The following KCNMA1 variants were observed in gnomAD, a reference collection of about 807,000 sequenced individuals.
KCNMA1 encodes the protein Calcium-activated potassium channel subunit alpha-1.
In KCNMA1, 29 loss-of-function variants were observed where a neutral mutation model predicts 140.0. That is an observed-to-expected ratio of 0.21 (90% CI 0.15 to 0.28). KCNMA1 has a LOEUF of 0.28. KCNMA1 is among the 10% of genes least tolerant of loss of function. KCNMA1 has a pLI of 1.00. For synonymous variants in KCNMA1, 612 were observed against 611.9 expected (o/e 1.00, Z 0.00); for missense variants, 880 against 1,602.2 (o/e 0.55, Z 7.70).
intron 5 of KCNMA1, among the ~76,000 whole-genome samples, chr10:77,140,925 A>G (rs1410663002): frequency 1.3e-5 from 2 of 152,208 alleles, no homozygotes; most frequent in Non-Finnish European, 2.9e-5. Flanking sequence ...GGTATAGAAT[A>G]GAGTGTGAGA....
At chr10:77,317,125 C>G (rs2081092275) in intron 2 of KCNMA1, among the ~76,000 whole-genome samples, 1 of 152,166 alleles carries the variant, frequency 6.6e-6, no homozygotes, top group South Asian at 2.1e-4. Flanking sequence ...CCCCCTACCA[C>G]TTAGACTGCC....
chr10:77,304,571 C>T (rs1214202456), intron 2 of KCNMA1: 2 of 152,204 alleles, frequency 1.3e-5, no homozygotes, highest in South Asian at 2.1e-4. Flanking sequence ...AGGAGCAACA[C>T]GTGCCATAAT....
At chr10:77,565,373 A>AATTGCTATCCAC (rs1419451585) in intron 1 of KCNMA1, among the ~76,000 whole-genome samples, 1 of 152,022 alleles carries the variant, frequency 6.6e-6, no homozygotes, top group Non-Finnish European at 1.5e-5. Context: ...CATTTTCCCA[A>AATTGCTATCCAC]ATTGCTATCT....
At chr10:77,195,979 C>T (rs79894106) in intron 3 of KCNMA1, among the ~76,000 whole-genome samples, 1,560 of 152,080 alleles carry the variant, frequency 0.01, 34 homozygotes, top group African/African-American at 0.035. Flanking sequence ...ATAGCTATTT[C>T]CACCATATCA....
At chr10:77,231,472 C>T (rs1205979251) in intron 3 of KCNMA1, among the ~76,000 whole-genome samples, 1 of 152,208 alleles carries the variant, frequency 6.6e-6, no homozygotes, top group Non-Finnish European at 1.5e-5. Context: ...ACTTTGCAAA[C>T]CAACTCTCCG....
chr10:77,043,752 C>T (rs2094873497), intron 14 of KCNMA1, among the ~76,000 whole-genome samples: 1 of 152,104 alleles, frequency 6.6e-6, no homozygotes, highest in African/African-American at 2.4e-5. Flanking sequence ...AAAGGACAAC[C>T]GTGTTATGAT....
chr10:77,262,257 T>C (rs762905111), intron 2 of KCNMA1, among the ~76,000 whole-genome samples: 37 of 152,200 alleles, frequency 2.4e-4, no homozygotes, highest in Non-Finnish European at 4.7e-4. Context: ...TGGTCCATAC[T>C]ACGACGTGAA....
At chr10:77,624,091 T>C (rs1389767924) in intron 1 of KCNMA1, among the ~76,000 whole-genome samples, 1 of 152,236 alleles carries the variant, frequency 6.6e-6, no homozygotes, top group East Asian at 1.9e-4. Flanking sequence ...GCAGTTATCT[T>C]ATCCCTGCTT....
intron 16 of KCNMA1, among the ~76,000 whole-genome samples, chr10:77,021,306 G>C (rs2092813680): frequency 1.3e-5 from 2 of 152,134 alleles, no homozygotes; most frequent in African/African-American, 4.8e-5. Context: ...CTGTAAAATG[G>C]GTGAATAATC....
intron 2 of KCNMA1, among the ~76,000 whole-genome samples, chr10:77,397,719 T>C (rs2096108745): frequency 6.6e-6 from 1 of 152,216 alleles, no homozygotes; most frequent in Admixed American, 6.5e-5. Context: ...GTCATCCAAA[T>C]AGCGTGCATT....
intron 3 of KCNMA1, among the ~76,000 whole-genome samples, chr10:77,210,071 G>T (rs1195049089): frequency 6.6e-6 from 1 of 152,078 alleles, no homozygotes; most frequent in Non-Finnish European, 1.5e-5. Context: ...TATGAAGCCA[G>T]CATCATCTTT....
intron 1 of KCNMA1, among the ~76,000 whole-genome samples, chr10:77,458,623 T>G (rs748142311): frequency 1.3e-5 from 2 of 152,220 alleles, no homozygotes; most frequent in African/African-American, 4.8e-5. Flanking sequence ...CTTACATGAA[T>G]AGTTTATTTG....
intron 13 of KCNMA1, among the ~76,000 whole-genome samples, chr10:77,073,813 C>T (rs1031103022): frequency 3.3e-5 from 5 of 152,214 alleles, no homozygotes; most frequent in South Asian, 2.1e-4. Flanking sequence ...GTGACGCTGA[C>T]GCTGTTGATC....
At chr10:77,125,867 G>A (rs911638163) in intron 5 of KCNMA1, among the ~76,000 whole-genome samples, 3 of 152,196 alleles carry the variant, frequency 2.0e-5, no homozygotes, top group Non-Finnish European at 4.4e-5. Context: ...TCAGAATTCT[G>A]AGACTATATG....
intron 1 of KCNMA1, among the ~76,000 whole-genome samples, chr10:77,583,771 C>G (rs1159918436): frequency 6.6e-6 from 1 of 152,202 alleles, no homozygotes; most frequent in African/African-American, 2.4e-5. Flanking sequence ...ACCTTTCAGG[C>G]CTAGCCTCAG....
At chr10:77,458,207 T>G (rs2097791555) in intron 1 of KCNMA1, among the ~76,000 whole-genome samples, 1 of 152,220 alleles carries the variant, frequency 6.6e-6, no homozygotes, top group Non-Finnish European at 1.5e-5. Context: ...CAGGGCACTG[T>G]GCCCCAGAAT....
intron 20 of KCNMA1, among the ~76,000 whole-genome samples, chr10:76,958,183 A>G (rs2069197962): frequency 6.6e-6 from 1 of 152,312 alleles, no homozygotes; most frequent in East Asian, 1.9e-4. Flanking sequence ...CTCCCTGAAC[A>G]AGGGATCCCA....
chr10:77,541,070 T>A (rs1330080987), intron 1 of KCNMA1, among the ~76,000 whole-genome samples: 3 of 150,410 alleles, frequency 2.0e-5, no homozygotes, highest in African/African-American at 7.3e-5. Flanking sequence ...CAACAAAATT[T>A]AAAAAAAGAA....
intron 2 of KCNMA1, among the ~76,000 whole-genome samples, chr10:77,258,029 G>A (rs913528543): frequency 1.3e-5 from 2 of 152,206 alleles, no homozygotes; most frequent in African/African-American, 4.8e-5. Context: ...AGACCTGGGT[G>A]TGAATCTCCA....
Sources: gnomAD v4.1 joint callset for allele counts (sites outside exome capture counted in the v4.1 genomes callset) on GRCh38, gnomAD v4.1.1 for gene constraint, MANE v1.5 for transcripts, NCBI Gene and HGNC (gene_info 2026-07-23, HGNC 2026-07-21) for gene names.